The following C1orf105 variants were observed in gnomAD, a reference collection of about 807,000 sequenced individuals.
C1orf105 encodes chromosome 1 open reading frame 105, also known as uncharacterized protein C1orf105.
In C1orf105, 17 loss-of-function variants were observed where a neutral mutation model predicts 20.8. That is an observed-to-expected ratio of 0.82 (90% CI 0.56 to 1.23). The LOEUF is 1.23. Among genes scored for constraint, C1orf105 ranks in the 50% most tolerant of loss-of-function variants. The pLI is 0.00. For missense variants in C1orf105, 219 were observed against 213.5 expected (o/e 1.03, Z -0.16); for synonymous variants, 72 against 72.1 (o/e 1.00, Z 0.01).
chr1:172,460,118 A>G (rs1164024619), intron 4 of C1orf105, among the ~76,000 whole-genome samples: 2 of 152,180 alleles, frequency 1.3e-5, no homozygotes, highest in East Asian at 3.8e-4. Flanking sequence ...AGGAATAAAC[A>G]ATGGTGGTTG....
chr1:172,448,343 C>A, intron 2 of C1orf105, 98 bp from the exon 3 acceptor site: 1 of 778,680 alleles, frequency 1.3e-6, no homozygotes, highest in Admixed American at 2.2e-5. Context: ...GAAGATAGCT[C>A]CCTGTGGTGT....
At chr1:172,424,604 T>G (rs1404482712) in intron 1 of C1orf105, among the ~76,000 whole-genome samples, 5 of 152,204 alleles carry the variant, frequency 3.3e-5, no homozygotes, top group Admixed American at 6.5e-5. Flanking sequence ...TTGGCCAGGC[T>G]GGTCTTAAAC....
At position 172,456,435 on chromosome 1, in the gene C1orf105, C is replaced by G. The variant is rs761228881; in HGVS notation, c.219C>G (p.Asp73Glu). 6.2e-6 allele frequency: 10 copies of G among 1,613,310 alleles called. No homozygotes were observed. The highest frequency in any genetic ancestry group is 8.5e-6 in the Non-Finnish European group (10 of 1,180,002). ...VLSKARRNQC[D>E]SMLLRNQQLC... is the part of the protein sequence containing the mutation. ...CTCAGGCCAGGAGGAACCAGTGTGACTCCATGCTGCTCAGAAACCAACAGC... is the reference window on the plus strand; with the variant it reads ...CTCAGGCCAGGAGGAACCAGTGTGAGTCCATGCTGCTCAGAAACCAACAGC... The change falls in exon 4 of 7, where the codon GAC (aspartate) becomes GAG (glutamate). Residue 73 changes from aspartate (D) to glutamate (E), a missense_variant. Coordinates refer to ENST00000367727, the MANE Select transcript of C1orf105 (RefSeq NM_139240.4).
At chr1:172,427,834 G>A (rs1050133848) in intron 1 of C1orf105, among the ~76,000 whole-genome samples, 3 of 151,980 alleles carry the variant, frequency 2.0e-5, no homozygotes, top group African/African-American at 7.3e-5. Context: ...CCATTTCCTT[G>A]GTGATCTCAT....
chr1:172,458,790 T>A (rs1649492659), intron 4 of C1orf105, among the ~76,000 whole-genome samples: 1 of 152,148 alleles, frequency 6.6e-6, no homozygotes, highest in Non-Finnish European at 1.5e-5. Context: ...TTCTTGATTT[T>A]AAAACTAACT....
chr1:172,452,936 G>A (rs780750529), intron 3 of C1orf105: 315 of 1,530,436 alleles, frequency 2.1e-4, no homozygotes, highest in Non-Finnish European at 2.5e-4. Context: ...TGAGCTGGTC[G>A]TAAGGAAACC....
chr1:172,463,786 TA>T (rs1649857432), intron 5 of C1orf105, among the ~76,000 whole-genome samples: 1 of 152,218 alleles, frequency 6.6e-6, no homozygotes, highest in Non-Finnish European at 1.5e-5. Flanking sequence ...CTTATCCCTT[TA>T]AAAGTAAGAC....
intron 3 of C1orf105, chr1:172,453,185 C>G (rs1648855476): frequency 1.3e-6 from 2 of 1,550,854 alleles, no homozygotes; most frequent in Non-Finnish European, 1.7e-6. Context: ...GATAGCAAGT[C>G]TGAGGTAGAG....
intron 5 of C1orf105, among the ~76,000 whole-genome samples, chr1:172,464,296 A>C (rs2149194336): frequency 6.6e-6 from 1 of 152,336 alleles, no homozygotes; most frequent in South Asian, 2.1e-4. Flanking sequence ...TCTCAATCTC[A>C]GTGACAATTG....
chr1:172,468,447 A>G lies in C1orf105; in HGVS notation c.407-2A>G. On this transcript the variant is annotated splice_acceptor_variant, in intron 6 of 6. Transcript: ENST00000367727. LOFTEE classifies it high-confidence loss of function. Reference sequence around the variant, plus strand: ...TTCTTTCCTTCTTGTACTGTCATCCAGAAAGCATTCACTACAGACTGCCCA... The same window carrying G: ...TTCTTTCCTTCTTGTACTGTCATCCGGAAAGCATTCACTACAGACTGCCCA... 1 of 1,610,108 alleles carries G rather than the reference A, an allele frequency of 6.2e-7. No individual in the cohort carries two copies. The highest frequency in any genetic ancestry group is 8.5e-7 in the Non-Finnish European group (1 of 1,177,670).
At chr1:172,446,271 G>A (rs1647989658) in intron 2 of C1orf105, among the ~76,000 whole-genome samples, 1 of 152,166 alleles carries the variant, frequency 6.6e-6, no homozygotes, top group Non-Finnish European at 1.5e-5. Context: ...CTAAGTGATA[G>A]AGTGCTTATT....
intron 1 of C1orf105, 99 bp from the exon 2 acceptor site, chr1:172,444,972 AGT>A (rs1021941828): frequency 1.8e-5 from 15 of 824,192 alleles, no homozygotes; most frequent in Admixed American, 2.7e-5. Context: ...TGGTTTGTAA[AGT>A]GTTCACTATA....
intron 1 of C1orf105, among the ~76,000 whole-genome samples, chr1:172,427,189 C>G (rs931394355): frequency 6.6e-6 from 1 of 152,204 alleles, no homozygotes; most frequent in Non-Finnish European, 1.5e-5. Context: ...TTGAAGCAAT[C>G]AGAAAAGAAC....
intron 1 of C1orf105, chr1:172,444,013 TG>T: frequency 1.0e-6 from 1 of 1,000,210 alleles, no homozygotes. Context: ...GTTGCGCAGC[TG>T]GGGGACGGCG....
chr1:172,463,515 T>C (rs974469332), intron 5 of C1orf105, among the ~76,000 whole-genome samples: 7 of 152,194 alleles, frequency 4.6e-5, no homozygotes. Context: ...ACAAGCTCCA[T>C]CACTAATAAC....
intron 1 of C1orf105, among the ~76,000 whole-genome samples, chr1:172,438,717 T>C (rs1052889720): frequency 3.3e-5 from 5 of 152,214 alleles, no homozygotes; most frequent in Admixed American, 3.3e-4. Flanking sequence ...CTACTGTGAG[T>C]AAAATGCTAT....
At chr1:172,424,768 CT>C (rs1479803098) in intron 1 of C1orf105, among the ~76,000 whole-genome samples, 1 of 152,168 alleles carries the variant, frequency 6.6e-6, no homozygotes, top group Non-Finnish European at 1.5e-5. Flanking sequence ...TTCCTTCTGC[CT>C]CTTTTTTTTT....
chr1:172,453,179 G>A (rs1026859772), intron 3 of C1orf105: 3 of 1,551,030 alleles, frequency 1.9e-6, no homozygotes, highest in Non-Finnish European at 2.6e-6. Flanking sequence ...TCAGCTGATA[G>A]CAAGTCTGAG....
intron 5 of C1orf105, among the ~76,000 whole-genome samples, chr1:172,463,656 CCCTTCTGTGAAATAA>C (rs1306686944): frequency 6.6e-6 from 1 of 152,200 alleles, no homozygotes; most frequent in Admixed American, 6.5e-5. Flanking sequence ...CAAAATTTCA[CCCTTCTGTGAAATAA>C]CCTTTCGAAA....
Sources: allele counts gnomAD v4.1 joint callset (sites outside exome capture counted in the v4.1 genomes callset), GRCh38; gene constraint gnomAD v4.1.1; transcripts MANE v1.5; gene names NCBI Gene and HGNC (gene_info 2026-07-23, HGNC 2026-07-21).